GAREM2: variants seen among roughly 807,000 people sequenced by gnomAD.
The protein encoded by GAREM2 is GRB2 associated regulator of MAPK1 subtype 2.
A neutral mutation model predicts 55.6 loss-of-function variants in GAREM2; 30 were observed. The ratio of observed to expected loss-of-function variants is 0.54; its 90% CI spans 0.40 to 0.73. The LOEUF is 0.73. Ranked by LOEUF, GAREM2 falls within the 30% of genes least tolerant of loss-of-function variation. The pLI, the probability that GAREM2 is intolerant of heterozygous loss-of-function variation, is 0.00. For missense variants in GAREM2, 1,075 were observed against 1,257.7 expected (o/e 0.85, Z 2.20); for synonymous variants, 550 against 569.1 (o/e 0.97, Z 0.48).
At chr2:26,176,565 G>A (rs1043061689) in intron 2 of GAREM2, 81 bp downstream of exon 2, 6 of 1,269,778 alleles carry the variant, frequency 4.7e-6, no homozygotes, top group South Asian at 2.0e-5. Context: ...TAGGGGGAAC[G>A]CTGGGACTAG....
chr2:26,176,041 G>A (rs1458802946), intron 1 of GAREM2, among the ~76,000 whole-genome samples: 2 of 152,186 alleles, frequency 1.3e-5, no homozygotes, highest in Non-Finnish European at 2.9e-5. Context: ...GCTGGTCTGG[G>A]CTCATCCATG....
rs779363816 is a variant in GAREM2, at chr2:26,185,176, G to A, written c.1328G>A (p.Arg443Gln). ...CACCAGGGGCCCGAGGGCCTCGTCC[G>A]GCCGCCCCCAGGGCTCGATCTCATC... is the stretch of plus-strand genomic sequence containing the variant. Reference protein sequence around the residue: ...WAHQGPEGLVRPPPGLDLISF... With the variant: ...WAHQGPEGLVQPPPGLDLISF... The change falls in exon 4 of 6, where the codon CGG becomes CAG. Residue 443 changes from arginine to glutamine, a missense_variant. Arg to Gln is a conservative substitution (Grantham distance 43). This residue lies in a region of GAREM2 where 515 missense variants were observed against 501.5 expected (regional missense o/e 1.03). Coordinates refer to ENST00000401533, the MANE Select transcript of GAREM2 (RefSeq NM_001168241.2). 18 of 1,507,332 alleles carry A rather than the reference G, an allele frequency of 1.2e-5. No individual in the cohort carries two copies. In the South Asian group the frequency reaches 1.6e-4, roughly 13 times the overall value. 93.4% of individuals were successfully genotyped at this position (1,507,332 alleles called of 1,614,324 possible).
rs999565161 is a variant in GAREM2, at chr2:26,173,309, C to T, written c.89C>T (p.Pro30Leu). 1 of 1,422,864 alleles carries T rather than the reference C, an allele frequency of 7.0e-7. No individual in the cohort carries two copies. The highest frequency in any genetic ancestry group is 9.2e-7 in the Non-Finnish European group (1 of 1,084,156). The allele number at this position is 1,422,864 out of a possible 1,614,324, so 88.1% of individuals were successfully genotyped here. Reference protein sequence around the residue: ...LDLIVSRCRLPTLACLGPGEY... With the variant: ...LDLIVSRCRLLTLACLGPGEY... ...CTCATCGTCAGCCGCTGCCGCCTGC[C>T]CACGCTCGCCTGCCTTGGGCCAGGT... The change falls in exon 1 of 6, where the codon CCC (proline) becomes CTC (leucine). Residue 30 changes from proline to leucine, a missense_variant. Pro to Leu is a moderately conservative substitution (Grantham distance 98). Transcript: ENST00000401533.
the GAREM2 span, chr2:26,199,230 T>C: frequency 6.6e-6 from 1 of 152,340 alleles, no homozygotes; most frequent in East Asian, 1.9e-4. Flanking sequence ...TAGCCAGGCA[T>C]GGTGGTACAT....
Position 26,187,819 on chromosome 2 carries a change from G to A in GAREM2, c.2187G>A (p.Gly729=), listed in dbSNP as rs1178478541. 7.6e-6 allele frequency: 11 copies of A among 1,441,126 alleles called. No homozygotes were observed. In the East Asian group the frequency reaches 2.5e-4, roughly 33 times the overall value. 89.3% of individuals were successfully genotyped at this position (1,441,126 alleles called of 1,614,324 possible). A position where few individuals can be genotyped will look rare whatever the true frequency, so the allele number is the denominator to read the frequency against. The stretch of plus-strand genomic sequence containing the variant: ...AGCCCAGAGCAGTGGGGACACCTGG[G>A]CCTGGACCCCGCCTTTCACCACTTG... ...SQEPRAVGTP[G]PGPRLSPLGP... The change falls in exon 6 of 6, where the codon GGG becomes GGA. Residue 729 remains glycine (G), a synonymous_variant. Coordinates refer to ENST00000401533, the MANE Select transcript of GAREM2 (RefSeq NM_001168241.2).
In GAREM2 at chr2:26,187,413, G is replaced by C. The variant is rs1401346119; in HGVS notation, c.1781G>C (p.Arg594Pro). Reference sequence around the variant, plus strand: ...GCCCTCACAGAGCCTCTGAGCGGTCGAGCCGCCTCCCTTCTGGGGGCTGAC... The same window carrying C: ...GCCCTCACAGAGCCTCTGAGCGGTCCAGCCGCCTCCCTTCTGGGGGCTGAC... ...SRALTEPLSG[R>P]AASLLGADTP... The change falls in exon 6 of 6, where the codon CGA (arginine) becomes CCA (proline). Residue 594 changes from arginine (R) to proline (P), a missense_variant. By Grantham distance (103) the Arg-to-Pro change is moderately radical. Around this residue, in one of 6 missense-constraint regions of GAREM2, gnomAD observed 515 missense variants for 501.5 expected, o/e 1.03. Transcript: ENST00000401533. 5.8e-6 allele frequency: 9 copies of C among 1,547,416 alleles called. No homozygotes were observed. In the Admixed American group the frequency reaches 9.9e-5, roughly 17 times the overall value.
chr2:26,191,460 C>T (rs372669268), downstream of GAREM2: 2 of 1,614,198 alleles, frequency 1.2e-6, no homozygotes, highest in South Asian at 2.2e-5. Flanking sequence ...AAGTGAGCTT[C>T]CTTCCCAACC....
At position 26,184,216 on chromosome 2, in the gene GAREM2, G is replaced by C; in HGVS notation, c.385-17G>C. On this transcript the variant is annotated splice_polypyrimidine_tract_variant and intron_variant, in intron 3 of 5. Transcript: ENST00000401533. The stretch of plus-strand genomic sequence containing the variant: ...TGGGACCTGGCTAAGGCCCTGCCCT[G>C]TCTCTGGGATCCCCAGGTGGTGTCG... 1 of 1,548,694 alleles carries C rather than the reference G, an allele frequency of 6.5e-7. No homozygotes were observed. The highest frequency in any genetic ancestry group is 8.7e-7 in the Non-Finnish European group (1 of 1,145,190).
At chr2:26,201,367 C>T in the GAREM2 span, 5 of 1,344,852 alleles carry the variant, frequency 3.7e-6, no homozygotes, top group Non-Finnish European at 5.3e-6. Flanking sequence ...AGGAAACTAA[C>T]GTTTATTGAA....
downstream of GAREM2, among the ~76,000 whole-genome samples, chr2:26,193,182 C>T (rs929027090): frequency 6.6e-6 from 1 of 151,818 alleles, no homozygotes; most frequent in Non-Finnish European, 1.5e-5. Context: ...GATAAAAATG[C>T]TTGTCCATCT....
At chr2:26,182,393 T>C in intron 2 of GAREM2, 1 of 1,547,166 alleles carries the variant, frequency 6.5e-7, no homozygotes, top group Non-Finnish European at 8.7e-7. Context: ...GTCAGAGTGG[T>C]TCTCCCAGGG....
rs1223487223 is a variant in GAREM2 at position 26,179,583 on chromosome 2, G to C, written c.253+3099G>C. Among the ~76,000 whole-genome samples, 1 of 152,138 alleles carries C rather than the reference G, an allele frequency of 6.6e-6. No homozygotes were observed. The highest frequency in any genetic ancestry group is 1.5e-5 in the Non-Finnish European group (1 of 68,030). On this transcript the variant is annotated intron_variant, in intron 2 of 5. Coordinates refer to ENST00000401533, the MANE Select transcript of GAREM2 (RefSeq NM_001168241.2). This position sits in a 1 kb window ranked among gnomAD's most constrained non-coding sequence, Gnocchi z 4.7. ...TGTGCTCTGAGGGCAAGGACAAGGA[G>C]GAGGGGCAGGTCAGGATGGAGCAGG...
At chr2:26,193,090 TCTC>T (rs1430179367), downstream of GAREM2, among the ~76,000 whole-genome samples, 1 of 151,994 alleles carries the variant, frequency 6.6e-6, no homozygotes, top group African/African-American at 2.4e-5. Flanking sequence ...GCTTATACAT[TCTC>T]CTCACAGGTG....
At chr2:26,197,564 C>G in the GAREM2 span, 1 of 715,742 alleles carries the variant, frequency 1.4e-6, no homozygotes, top group Non-Finnish European at 2.6e-6. Context: ...TTTATTGTGT[C>G]CAGTGTTTAG....
chr2:26,182,165 G>C lies in GAREM2; in HGVS notation c.254-802G>C, dbSNP rs1034785927. 21 of 1,314,810 alleles carry C rather than the reference G, an allele frequency of 1.6e-5. 1 individual carries two copies. Among genetic ancestry groups the C allele is most frequent in the Middle Eastern group, 5.8e-4 (2 of 3,428 alleles). The allele number at this position is 1,314,810 out of a possible 1,614,324, so 81.4% of individuals were successfully genotyped here. Reference sequence around the variant, plus strand: ...CAGGTGTCTGGCCAGTGAGGTGAGAGAGCTTACACAGGGATGTCAGCTTCA... The same window carrying C: ...CAGGTGTCTGGCCAGTGAGGTGAGACAGCTTACACAGGGATGTCAGCTTCA... On this transcript the variant is annotated intron_variant, in intron 2 of 5. Coordinates refer to ENST00000401533, the MANE Select transcript of GAREM2 (RefSeq NM_001168241.2).
At position 26,180,103 on chromosome 2, in the gene GAREM2, G is replaced by T. The variant is rs553836520; in HGVS notation, c.254-2864G>T. 2.6e-5 allele frequency among the ~76,000 whole-genome samples: 4 copies of T among 152,238 alleles called. No individual in the cohort carries two copies. In the South Asian group the frequency reaches 8.3e-4, roughly 32 times the overall value. ...CACTTCAGAGGCCTCTTCCCAGGAG[G>T]GTCCCAGGGCGGGGAGGGCAGGCCT... On this transcript the variant is annotated intron_variant, in intron 2 of 5. Transcript: ENST00000401533.
Position 26,184,258 on chromosome 2 carries a change from ACAGCGAGGT to A in GAREM2, c.411_419del (p.Asp137_Val140delinsGlu). ...GTGGTGTCGGGCGAGTTCAGCGAGG[ACAGCGAGGT>A]GTACAACTTCACGCTGCATGCGGGC... On this transcript the variant is annotated inframe_deletion, in exon 4 of 6. Coordinates refer to ENST00000401533, the MANE Select transcript of GAREM2 (RefSeq NM_001168241.2). The A allele has an allele frequency of 6.4e-7, 1 of 1,550,716 alleles. No individual in the cohort carries two copies. The highest frequency in any genetic ancestry group is 1.2e-5 in the South Asian group (1 of 84,064).
Position 26,184,285 on chromosome 2 carries a change from A to C in GAREM2, c.437A>C (p.His146Pro), listed in dbSNP as rs1466498708. ...AGCGAGGTGTACAACTTCACGCTGCATGCGGGCGACGAGCTCACTCTTATG... is the reference window on the plus strand; with the variant it reads ...AGCGAGGTGTACAACTTCACGCTGCCTGCGGGCGACGAGCTCACTCTTATG... The part of the protein sequence containing the change: ...EDSEVYNFTL[H>P]AGDELTLMGQ... Residue 146 changes from histidine (H) to proline (P), a missense_variant, in exon 4 of 6, where the codon CAT becomes CCT. His to Pro is a moderately conservative substitution (Grantham distance 77). Around this residue, in one of 6 missense-constraint regions of GAREM2, gnomAD observed 230 missense variants for 310.6 expected, o/e 0.74. Transcript: ENST00000401533. 1 of 1,550,962 alleles carries C rather than the reference A, an allele frequency of 6.4e-7. No homozygotes were observed. Among genetic ancestry groups the C allele is most frequent in the Non-Finnish European group, 8.7e-7 (1 of 1,146,820 alleles).
At chr2:26,183,881 CAAT>C (rs1400781857) in intron 3 of GAREM2, among the ~76,000 whole-genome samples, 1 of 152,242 alleles carries the variant, frequency 6.6e-6, no homozygotes, top group Non-Finnish European at 1.5e-5. Context: ...ATGGTAAAGA[CAAT>C]GATGATAAAA....
Sources: allele counts gnomAD v4.1 joint callset (sites outside exome capture counted in the v4.1 genomes callset), GRCh38; gene constraint gnomAD v4.1.1; regional missense constraint gnomAD v4.1.1; non-coding constraint Gnocchi (gnomAD v3.1); transcripts MANE v1.5; gene names NCBI Gene and HGNC (gene_info 2026-07-23, HGNC 2026-07-21).